Variants in IGF1R observed in about 807,000 individuals in gnomAD.
IGF1R encodes insulin like growth factor 1 receptor, also known as insulin-like growth factor 1 receptor.
A neutral mutation model predicts 144.6 loss-of-function variants in IGF1R; 44 were observed. That is an observed-to-expected ratio of 0.30 (90% CI 0.24 to 0.39). IGF1R has a LOEUF of 0.39. Among genes scored for constraint, IGF1R ranks in the 10% least tolerant of loss-of-function variants. The probability of loss-of-function intolerance (pLI) is 1.00; values close to 1 mark genes in which losing one functional copy is unlikely to be tolerated. For synonymous variants in IGF1R, 795 were observed against 722.8 expected (o/e 1.10, Z -1.60); for missense variants, 1,355 against 1,833.7 (o/e 0.74, Z 4.77).
chr15:98,706,436 T>C (rs1438035067), intron 1 of IGF1R, among the ~76,000 whole-genome samples: 9 of 152,260 alleles, frequency 5.9e-5, no homozygotes, highest in Non-Finnish European at 8.8e-5. Context: ...GAAAAGCCTT[T>C]AAAATCTGCA....
intron 2 of IGF1R, among the ~76,000 whole-genome samples, chr15:98,880,178 T>G (rs527663708): frequency 2.2e-4 from 34 of 152,222 alleles, no homozygotes; most frequent in African/African-American, 7.9e-4. Flanking sequence ...AGGGGAAGCA[T>G]CCTATAACCT....
chr15:98,848,915 C>G (rs1447406456), intron 2 of IGF1R, among the ~76,000 whole-genome samples: 2 of 152,090 alleles, frequency 1.3e-5, no homozygotes, highest in African/African-American at 4.8e-5. Context: ...TTAAAAGATA[C>G]AGAAGACAAC....
chr15:98,863,945 A>G (rs1014360784), intron 2 of IGF1R, among the ~76,000 whole-genome samples: 5 of 152,226 alleles, frequency 3.3e-5, no homozygotes, highest in Admixed American at 1.3e-4. Flanking sequence ...GAAGTGTTCA[A>G]AGTGTTGCTT....
intron 1 of IGF1R, among the ~76,000 whole-genome samples, chr15:98,653,241 C>T (rs972200387): frequency 2.0e-5 from 3 of 152,088 alleles, no homozygotes; most frequent in Non-Finnish European, 2.9e-5. Context: ...AGATTTTTGA[C>T]AATAGAAACC....
At chr15:98,658,082 G>A (rs1186390027) in intron 1 of IGF1R, among the ~76,000 whole-genome samples, 1 of 152,156 alleles carries the variant, frequency 6.6e-6, no homozygotes, top group Non-Finnish European at 1.5e-5. Flanking sequence ...ATCAAGTAAT[G>A]AAACAGGTCC....
intron 2 of IGF1R, among the ~76,000 whole-genome samples, chr15:98,889,166 G>T (rs1276029149): frequency 2.0e-5 from 3 of 152,316 alleles, no homozygotes; most frequent in Middle Eastern, 3.4e-3. Flanking sequence ...AAAATGACAA[G>T]AAGAATAAAT....
At chr15:98,674,498 TATC>T (rs1233061469) in intron 1 of IGF1R, among the ~76,000 whole-genome samples, 2 of 152,182 alleles carry the variant, frequency 1.3e-5, no homozygotes, top group Non-Finnish European at 1.5e-5. Flanking sequence ...AGAGGGCTCT[TATC>T]ATTGATTCAG....
rs145186649 is a variant in IGF1R at position 98,830,815 on chromosome 15, G to A, written c.641-60510G>A. On this transcript the variant is annotated intron_variant, in intron 2 of 20. Transcript: ENST00000650285. ...GATGGGGTTTTGCCATGTTGGCCAG[G>A]CTGATCTTGAACTCCTGACCTCAGG... Among the ~76,000 whole-genome samples, 336 of 152,266 alleles carry A rather than the reference G, an allele frequency of 2.2e-3. 2 individuals carry two copies. The highest frequency in any genetic ancestry group is 6.8e-3 in the African/African-American group (283 of 41,546).
At chr15:98,942,487 C>T (rs1268039155) in intron 18 of IGF1R, among the ~76,000 whole-genome samples, 1 of 152,140 alleles carries the variant, frequency 6.6e-6, no homozygotes, top group Non-Finnish European at 1.5e-5. Context: ...GCGCACACCA[C>T]CACTCACAAC....
intron 20 of IGF1R, among the ~76,000 whole-genome samples, chr15:98,956,362 G>A (rs2151736801): frequency 6.6e-6 from 1 of 152,330 alleles, no homozygotes; most frequent in African/African-American, 2.4e-5. Context: ...TTGGAATCTG[G>A]CTTCAGGTCT....
At chr15:98,702,865 A>C (rs1271265118) in intron 1 of IGF1R, among the ~76,000 whole-genome samples, 1 of 152,196 alleles carries the variant, frequency 6.6e-6, no homozygotes, top group Non-Finnish European at 1.5e-5. Flanking sequence ...TGAGCCCAGG[A>C]GGTCGAGGCT....
At chr15:98,772,646 A>G (rs1007638874) in intron 2 of IGF1R, among the ~76,000 whole-genome samples, 1 of 151,142 alleles carries the variant, frequency 6.6e-6, no homozygotes, top group Non-Finnish European at 1.5e-5. Context: ...GTATATGTAC[A>G]CCACCACGCC....
At chr15:98,670,680 A>G (rs942800975) in intron 1 of IGF1R, among the ~76,000 whole-genome samples, 2 of 152,252 alleles carry the variant, frequency 1.3e-5, no homozygotes, top group Non-Finnish European at 2.9e-5. Flanking sequence ...TCAGGTCATC[A>G]CTGTGCTTTT....
intron 1 of IGF1R, among the ~76,000 whole-genome samples, chr15:98,683,607 G>A (rs954737760): frequency 6.6e-6 from 1 of 152,216 alleles, no homozygotes. Context: ...AAGTTTTTCA[G>A]ATGTTAGAGA....
At chr15:98,684,196 CATAAATTCTGTGTT>C (rs1201013707) in intron 1 of IGF1R, among the ~76,000 whole-genome samples, 2 of 152,192 alleles carry the variant, frequency 1.3e-5, no homozygotes, top group Non-Finnish European at 2.9e-5. Flanking sequence ...GCTTCTAAGA[CATAAATTCTGTGTT>C]ATGAACAACT....
chr15:98,839,167 C>T (rs1404869804), intron 2 of IGF1R, among the ~76,000 whole-genome samples: 1 of 152,248 alleles, frequency 6.6e-6, no homozygotes, highest in African/African-American at 2.4e-5. Flanking sequence ...AGGTACTATT[C>T]TAAACACTTG....
chr15:98,800,831 G>T (rs899487057), intron 2 of IGF1R, among the ~76,000 whole-genome samples: 1 of 152,200 alleles, frequency 6.6e-6, no homozygotes, highest in Non-Finnish European at 1.5e-5. Context: ...AGGCCCAGAA[G>T]GGGGAGGAGA....
intron 20 of IGF1R, among the ~76,000 whole-genome samples, 170 bp downstream of exon 20, chr15:98,948,878 G>C (rs1488848367): frequency 6.6e-6 from 1 of 152,182 alleles, no homozygotes; most frequent in African/African-American, 2.4e-5. Flanking sequence ...TGGGTTGGTC[G>C]ACCTGTGCTT....
rs1442215449 is a variant in IGF1R at position 98,964,338 on chromosome 15, A to C, written c.*6896A>C. 1 of 231,212 alleles carries C rather than the reference A, an allele frequency of 4.3e-6. No individual in the cohort carries two copies. Among genetic ancestry groups the C allele is most frequent in the African/African-American group, 2.2e-5 (1 of 45,348 alleles). 14.3% of individuals were successfully genotyped at this position (231,212 alleles called of 1,614,324 possible). On this transcript the variant is annotated 3_prime_UTR_variant, in exon 21 of 21. Transcript: ENST00000650285. ...AAAATCAGTAGATGAAAAAAATTTC[A>C]AAATGTTTTTGTATATTCTGTTGTA...
Sources: gnomAD v4.1 joint callset for allele counts (sites outside exome capture counted in the v4.1 genomes callset) on GRCh38, gnomAD v4.1.1 for gene constraint, MANE v1.5 for transcripts, NCBI Gene and HGNC (gene_info 2026-07-23, HGNC 2026-07-21) for gene names.